Variants in CACNA1B observed in about 807,000 individuals in gnomAD.
The protein encoded by CACNA1B is voltage-dependent N-type calcium channel subunit alpha-1B.
CACNA1B carries 70 observed loss-of-function variants against 247.2 expected under a neutral mutation model. That is an observed-to-expected ratio of 0.28 (90% CI 0.23 to 0.35). The LOEUF is 0.35. Among genes scored for constraint, CACNA1B ranks in the 10% least tolerant of loss-of-function variants. The pLI is 1.00. For synonymous variants in CACNA1B, 1,231 were observed against 1,294.4 expected (o/e 0.95, Z 1.05); for missense variants, 2,367 against 3,197.4 (o/e 0.74, Z 6.26).
intron 39 of CACNA1B, among the ~76,000 whole-genome samples, chr9:138,107,641 T>C (rs1216442393): frequency 6.6e-6 from 1 of 152,062 alleles, no homozygotes; most frequent in African/African-American, 2.4e-5. Context: ...CTTCTGCCCT[T>C]GGCCCCTTCT....
chr9:138,066,458 G>C (rs1202616639), intron 31 of CACNA1B, among the ~76,000 whole-genome samples: 1 of 152,110 alleles, frequency 6.6e-6, no homozygotes, highest in African/African-American at 2.4e-5. Context: ...ATAAGAGAGA[G>C]AGAGAGAGAG....
chr9:138,000,151 T>C (rs942964720), intron 15 of CACNA1B, among the ~76,000 whole-genome samples: 1 of 149,360 alleles, frequency 6.7e-6, no homozygotes, highest in Non-Finnish European at 1.5e-5. Context: ...CAGGCTGGAG[T>C]GCAGTGGTGC....
Position 138,075,801 on chromosome 9 carries a change from T to A in CACNA1B, c.4858-18T>A. The A allele has an allele frequency of 6.4e-7, 1 of 1,558,378 alleles. No homozygotes were observed. Among genetic ancestry groups the A allele is most frequent in the Non-Finnish European group, 8.8e-7 (1 of 1,133,820 alleles). On this transcript the variant is annotated intron_variant, in intron 34 of 46. Transcript: ENST00000371372. ...GCAGACCCAGCAGGGTCCGTGCCAT[T>A]GCTCTTCTCCATTGCAGGTGTTTGG...
At position 137,878,029 on chromosome 9, in the gene CACNA1B, G is replaced by C. The variant is rs1467720819; in HGVS notation, c.96G>C (p.Pro32=). The C allele has an allele frequency of 7.9e-7, 1 of 1,271,266 alleles. No homozygotes were observed. The highest frequency in any genetic ancestry group is 3.0e-5 in the South Asian group (1 of 33,772). The allele number at this position is 1,271,266 out of a possible 1,614,324, so 78.7% of individuals were successfully genotyped here. A position where few individuals can be genotyped will look rare whatever the true frequency, so the allele number is the denominator to read the frequency against. ...RGGGAGGAGG[P]GPGGLQPGQR... ...GCGGGGCCGGCGGGGCGGGGGGCCC[G>C]GGTCCCGGGGGGCTGCAGCCCGGCC... The change falls in exon 1 of 47, where the codon CCG becomes CCC. Residue 32 remains proline (P), a synonymous_variant. Coordinates refer to ENST00000371372, the MANE Select transcript of CACNA1B (RefSeq NM_000718.4).
chr9:137,898,249 G>T (rs1214041817), intron 3 of CACNA1B, among the ~76,000 whole-genome samples: 1 of 152,068 alleles, frequency 6.6e-6, no homozygotes, highest in Non-Finnish European at 1.5e-5. Flanking sequence ...AATAATTTTT[G>T]TTTTTAGTTT....
chr9:138,049,366 T>A (rs370744631), intron 24 of CACNA1B, 51 bp downstream of exon 24: 1 of 1,167,786 alleles, frequency 8.6e-7, no homozygotes, highest in Non-Finnish European at 1.3e-6. Flanking sequence ...AGAATCACGA[T>A]GGGCGTGAGG....
chr9:137,901,833 G>T (rs1957244060), intron 3 of CACNA1B, among the ~76,000 whole-genome samples: 1 of 151,830 alleles, frequency 6.6e-6, no homozygotes, highest in Admixed American at 6.6e-5. Flanking sequence ...GGGACTACAG[G>T]CACCCACGAC....
intron 31 of CACNA1B, 137 bp from the exon 32 acceptor site, chr9:138,069,621 C>CCTG: frequency 1.5e-6 from 1 of 682,314 alleles, no homozygotes. Flanking sequence ...CCTTAACCTA[C>CCTG]CTGCTGACTC....
intron 32 of CACNA1B, among the ~76,000 whole-genome samples, chr9:138,070,507 T>C (rs1960088672): frequency 6.6e-6 from 1 of 152,234 alleles, no homozygotes; most frequent in Non-Finnish European, 1.5e-5. Context: ...TCAGGAATTT[T>C]AGAGCAAAGA....
chr9:137,917,162 C>A lies in CACNA1B; in HGVS notation c.776-79C>A. The A allele has an allele frequency of 7.2e-7, 1 of 1,390,300 alleles. No homozygotes were observed. Among genetic ancestry groups the A allele is most frequent in the Non-Finnish European group, 9.9e-7 (1 of 1,009,686 alleles). The allele number at this position is 1,390,300 out of a possible 1,614,324, so 86.1% of individuals were successfully genotyped here. The stretch of plus-strand genomic sequence containing the variant: ...TCCTGCCCACCTGCTGTGAGCTCTC[C>A]AGAGCCCAGGAATCCTGGTGGGGAT... On this transcript the variant is annotated intron_variant, in intron 5 of 46. Transcript: ENST00000371372. This position sits in a 1 kb window ranked among gnomAD's most constrained non-coding sequence, Gnocchi z 5.5.
At chr9:137,909,627 C>T (rs1468705270) in intron 3 of CACNA1B, among the ~76,000 whole-genome samples, 1 of 152,186 alleles carries the variant, frequency 6.6e-6, no homozygotes, top group Non-Finnish European at 1.5e-5. Context: ...TGTGTTCCTC[C>T]CCTCTTCCGG....
intron 15 of CACNA1B, among the ~76,000 whole-genome samples, chr9:137,999,181 G>C (rs1468246824): frequency 2.0e-5 from 3 of 151,982 alleles, no homozygotes; most frequent in Admixed American, 6.6e-5. Flanking sequence ...GCCAGGTGTG[G>C]TGGTGGGTGC....
chr9:137,916,869 C>T (rs747872247), intron 5 of CACNA1B, among the ~76,000 whole-genome samples: 2 of 140,734 alleles, frequency 1.4e-5, no homozygotes, highest in African/African-American at 2.6e-5. Flanking sequence ...GAGGAACGAT[C>T]AGCGTGGCGG....
chr9:137,880,596 G>T lies in CACNA1B; in HGVS notation c.390+1437G>T, dbSNP rs117887198. On this transcript the variant is annotated intron_variant, in intron 2 of 46. Transcript: ENST00000371372. The surrounding 1 kb of genome is among the most constrained non-coding windows in gnomAD (Gnocchi z 4.8). ...CCTTGCAAGTTCCTGCCTCGCAGGT[G>T]TGGGAGGGTTTACTTTGTGGTCATA... Among the ~76,000 whole-genome samples, 103 of 152,320 alleles carry T rather than the reference G, an allele frequency of 6.8e-4. 1 individual carries two copies. The East Asian group carries it at 0.011, about 17-fold the overall frequency.
chr9:138,089,438 A>C (rs1327582189), intron 36 of CACNA1B, among the ~76,000 whole-genome samples: 1 of 152,190 alleles, frequency 6.6e-6, no homozygotes, highest in Non-Finnish European at 1.5e-5. Context: ...TCATCTCAAT[A>C]GACACAGAAA....
In CACNA1B at chr9:138,104,558, C is replaced by T. The variant is rs76769826; in HGVS notation, c.5320-1141C>T. 2.6e-3 allele frequency among the ~76,000 whole-genome samples: 400 copies of T among 152,352 alleles called. 5 individuals carry two copies. In the East Asian group the frequency reaches 0.037, roughly 14 times the overall value. On this transcript the variant is annotated intron_variant, in intron 38 of 46. Transcript: ENST00000371372. ...TGGCAAGTGGGGCTTTGCCAGCATT[C>T]GGGGCCAGAGTCAGGCTCATGTCTC... is the stretch of plus-strand genomic sequence containing the variant.
Position 137,882,318 on chromosome 9 carries a change from G to A in CACNA1B, c.391-426G>A, listed in dbSNP as rs953020566. On this transcript the variant is annotated intron_variant, in intron 2 of 46. Transcript: ENST00000371372. This position sits in a 1 kb window ranked among gnomAD's most constrained non-coding sequence, Gnocchi z 4.0. ...GGGATGACCTCATGGGGTATTAAAG[G>A]GCCACCCTAGTTGATAAAGGAAAAA... Among the ~76,000 whole-genome samples, 1 of 152,110 alleles carries A rather than the reference G, an allele frequency of 6.6e-6. No homozygotes were observed. Among genetic ancestry groups the A allele is most frequent in the African/African-American group, 2.4e-5 (1 of 41,396 alleles).
rs1357735264 is a variant in CACNA1B, at chr9:137,950,531, C to A, written c.967-1743C>A. Among the ~76,000 whole-genome samples the A allele has an allele frequency of 1.3e-5, 2 of 152,172 alleles. No individual in the cohort carries two copies. The highest frequency in any genetic ancestry group is 2.4e-5 in the African/African-American group (1 of 41,428). On this transcript the variant is annotated intron_variant, in intron 6 of 46. Coordinates refer to ENST00000371372, the MANE Select transcript of CACNA1B (RefSeq NM_000718.4). This position sits in a 1 kb window ranked among gnomAD's most constrained non-coding sequence, Gnocchi z 4.8. ...CATGGAGGGTGAGGGGATTCGGATG[C>A]CTCACTGCAGTCTAGGTGCTCCTCT...
At chr9:138,034,957 T>C (rs1203344874) in intron 20 of CACNA1B, among the ~76,000 whole-genome samples, 5 of 152,210 alleles carry the variant, frequency 3.3e-5, no homozygotes, top group Non-Finnish European at 7.3e-5. Flanking sequence ...GCCAACCTCA[T>C]AACCCAGATG....
Sources: gnomAD v4.1 joint callset for allele counts (sites outside exome capture counted in the v4.1 genomes callset) on GRCh38, gnomAD v4.1.1 for gene constraint, Gnocchi (gnomAD v3.1) non-coding constraint, MANE v1.5 for transcripts, NCBI Gene and HGNC (gene_info 2026-07-23, HGNC 2026-07-21) for gene names.